SI: variants seen among roughly 807,000 people sequenced by gnomAD.
SI encodes sucrase-isomaltase.
Under a neutral mutation model 253.3 loss-of-function variants are expected in SI, and 235 were observed. The observed-to-expected ratio is 0.93, with a 90% CI of 0.83 to 1.03. SI has a LOEUF of 1.03. Among genes scored for constraint, SI ranks in the 50% least tolerant of loss-of-function variants. The pLI is 0.00. For missense variants in SI, 2,442 were observed against 2,211.1 expected (o/e 1.10, Z -2.09); for synonymous variants, 819 against 712.0 (o/e 1.15, Z -2.39).
rs1199306728 is a variant in SI at position 165,017,976 on chromosome 3, C to G, written c.3514G>C (p.Ala1172Pro). 1.2e-6 allele frequency: 2 copies of G among 1,606,172 alleles called. No individual in the cohort carries two copies. The highest frequency in any genetic ancestry group is 1.7e-6 in the Non-Finnish European group (2 of 1,173,156). The change falls in exon 29 of 48, where the codon GCA (alanine) becomes CCA (proline). Residue 1172 changes from alanine to proline, a missense_variant. Ala to Pro is a conservative substitution (Grantham distance 27, BLOSUM62 -1). Coordinates refer to ENST00000264382, the MANE Select transcript of SI (RefSeq NM_001041.4). ...CAACAAATGATTGTTTTACCCATTG[C>G]ATTGCTGTTGAGTAAGAAAACACCA... ...AHGVFLLNSNAMDVTFQPTPA... is the reference protein window; with the variant it reads ...AHGVFLLNSNPMDVTFQPTPA...
chr3:164,989,538 C>A (rs2108122472), intron 44 of SI, among the ~76,000 whole-genome samples: 1 of 152,024 alleles, frequency 6.6e-6, no homozygotes, highest in African/African-American at 2.4e-5. Context: ...TCCTCTTGGA[C>A]AGCAGGACAC....
rs538063256 is a variant in SI, at chr3:164,980,814, T to C, written c.5416-1384A>G. Among the ~76,000 whole-genome samples the C allele has an allele frequency of 1.6e-4, 25 of 152,116 alleles. No individual in the cohort carries two copies. The East Asian group carries it at 4.8e-3, about 29-fold the overall frequency. ...TATTAAAATATCTTATTTGGCATTG[T>C]TTATTTGCTTTATTTTTACCATAAA... On this transcript the variant is annotated intron_variant, in intron 47 of 47. Coordinates refer to ENST00000264382, the MANE Select transcript of SI (RefSeq NM_001041.4).
At chr3:165,040,607 T>G (rs1712767983) in intron 18 of SI, among the ~76,000 whole-genome samples, 1 of 152,104 alleles carries the variant, frequency 6.6e-6, no homozygotes, top group Admixed American at 6.6e-5. Context: ...TTTTATACTC[T>G]ACTCTTGATC....
chr3:165,062,775 G>A (rs1040408308), intron 8 of SI, among the ~76,000 whole-genome samples: 8 of 151,906 alleles, frequency 5.3e-5, no homozygotes, highest in African/African-American at 9.7e-5. Context: ...GTTCTCTGGC[G>A]ACCAAAAGAT....
chr3:165,055,141 T>A (rs1713633556), intron 13 of SI, 53 bp downstream of exon 13: 1 of 1,022,436 alleles, frequency 9.8e-7, no homozygotes, highest in East Asian at 2.4e-5. Context: ...TTTTTACAGA[T>A]AAATAAGTCT....
rs766171674 is a variant in SI at position 165,033,346 on chromosome 3, G to C, written c.2565+49C>G. ...AAATTTATCATAAAAGAATAACCTA[G>C]GCATGAACAAATTATGCATTTAAGT... On this transcript the variant is annotated intron_variant, in intron 23 of 47. Coordinates refer to ENST00000264382, the MANE Select transcript of SI (RefSeq NM_001041.4). 9 of 1,483,966 alleles carry C rather than the reference G, an allele frequency of 6.1e-6. No individual in the cohort carries two copies. In the South Asian group the frequency reaches 1.1e-4, roughly 19 times the overall value. 91.9% of individuals were successfully genotyped at this position (1,483,966 alleles called of 1,614,324 possible). A position where few individuals can be genotyped will look rare whatever the true frequency, so the allele number is the denominator to read the frequency against.
At position 165,074,537 on chromosome 3, in the gene SI, TG is replaced by T; in HGVS notation, c.248del (p.Pro83GlnfsTer37). The T allele has an allele frequency of 6.2e-7, 1 of 1,603,300 alleles. No individual in the cohort carries two copies. Among genetic ancestry groups the T allele is most frequent in the Non-Finnish European group, 8.5e-7 (1 of 1,173,494 alleles). On this transcript the variant is annotated frameshift_variant, in exon 3 of 48. Coordinates refer to ENST00000264382, the MANE Select transcript of SI (RefSeq NM_001041.4). LOFTEE classifies it high-confidence loss of function. The part of the protein sequence containing the change: ...VRINCIPEQF[P>X]TEGICAQRGC... ...AAAGACTTTTGCTGCAGACCTCTGT[TG>T]GGAATTGTTCTGGAATGCAGTTTAT...
chr3:165,014,500 T>C (rs1324668691), intron 33 of SI, among the ~76,000 whole-genome samples: 1 of 152,078 alleles, frequency 6.6e-6, no homozygotes, highest in East Asian at 1.9e-4. Flanking sequence ...CCGCCCGCCT[T>C]GGCCTCCCAA....
At chr3:165,051,852 A>G (rs1412298424) in intron 13 of SI, among the ~76,000 whole-genome samples, 1 of 151,950 alleles carries the variant, frequency 6.6e-6, no homozygotes, top group East Asian at 1.9e-4. Flanking sequence ...AAAATAATTA[A>G]TTGGTTTTAC....
At chr3:165,005,247 A>G (rs1223074610) in intron 37 of SI, among the ~76,000 whole-genome samples, 1 of 151,518 alleles carries the variant, frequency 6.6e-6, no homozygotes, top group Non-Finnish European at 1.5e-5. Flanking sequence ...AATGGGTGCT[A>G]TATATATAGT....
intron 30 of SI, 27 bp downstream of exon 30, chr3:165,017,734 T>G: frequency 6.3e-7 from 1 of 1,598,306 alleles, no homozygotes; most frequent in African/African-American, 1.4e-5. Context: ...AATTTTTAAT[T>G]TTTTTAAAAG....
chr3:165,047,000 T>C lies in SI; in HGVS notation c.1728A>G (p.Lys576=). ...MAIATEQAVQ[K]VFPNKRSFIL... The stretch of plus-strand genomic sequence containing the variant: ...TGAAGCTTCTCTTATTAGGAAAAAC[T>C]TTTTGTACAGCTCTAAAAATAAAAC... Residue 576 remains lysine, a synonymous_variant, in exon 16 of 48, where the codon AAA becomes AAG. Coordinates refer to ENST00000264382, the MANE Select transcript of SI (RefSeq NM_001041.4). The C allele has an allele frequency of 6.2e-7, 1 of 1,605,370 alleles. No individual in the cohort carries two copies.
At chr3:165,025,402 A>T (rs1311716365) in intron 25 of SI, among the ~76,000 whole-genome samples, 1 of 151,178 alleles carries the variant, frequency 6.6e-6, no homozygotes, top group African/African-American at 2.4e-5. Flanking sequence ...AAGAAGGGAA[A>T]TCTAAAAATT....
Position 164,991,471 on chromosome 3 carries a change from C to A in SI, c.4990G>T (p.Asp1664Tyr). ...ARWFDYHTGK[D>Y]IGVRGQFQTF... ...TGAAATTGTCCTCTGACGCCAATATCTTTGCCCTGGAAATGAAAGGGATGG... is the reference window on the plus strand; with the variant it reads ...TGAAATTGTCCTCTGACGCCAATATATTTGCCCTGGAAATGAAAGGGATGG... Residue 1664 changes from aspartate (D) to tyrosine (Y), a missense_variant, in exon 44 of 48, where the codon GAT becomes TAT. Asp to Tyr is a radical substitution (Grantham distance 160). Transcript: ENST00000264382. 1.9e-6 allele frequency: 3 copies of A among 1,613,498 alleles called. No homozygotes were observed. Among genetic ancestry groups the A allele is most frequent in the Non-Finnish European group, 2.5e-6 (3 of 1,179,662 alleles).
chr3:165,081,879 A>G (rs1715339068), upstream of SI, among the ~76,000 whole-genome samples: 1 of 152,004 alleles, frequency 6.6e-6, no homozygotes, highest in South Asian at 2.1e-4. Flanking sequence ...AAGAAGAAGG[A>G]GAAAACAAAT....
intron 33 of SI, among the ~76,000 whole-genome samples, chr3:165,014,368 C>T (rs185884411): frequency 3.4e-4 from 51 of 152,214 alleles, no homozygotes; most frequent in African/African-American, 1.1e-3. Context: ...CTTGCCTCAG[C>T]CTCCTGAGTA....
upstream of SI, among the ~76,000 whole-genome samples, chr3:165,080,641 C>T (rs1715280175): frequency 6.6e-6 from 1 of 151,960 alleles, no homozygotes; most frequent in African/African-American, 2.4e-5. Context: ...TCTCAGCCAA[C>T]TATCGCAAGG....
At chr3:164,991,579 T>C in intron 43 of SI, 102 bp from the exon 44 acceptor site, 1 of 1,237,440 alleles carries the variant, frequency 8.1e-7, no homozygotes, top group African/African-American at 1.5e-5. Context: ...AATGATACAC[T>C]TTTAGATTAA....
intron 13 of SI, among the ~76,000 whole-genome samples, chr3:165,051,885 TAA>T (rs1044596379): frequency 2.0e-5 from 3 of 151,974 alleles, no homozygotes; most frequent in Non-Finnish European, 2.9e-5. Flanking sequence ...TAAAAATATT[TAA>T]AAGTTTTATT....
Sources: gnomAD v4.1 joint callset for allele counts (sites outside exome capture counted in the v4.1 genomes callset) on GRCh38, gnomAD v4.1.1 for gene constraint, MANE v1.5 for transcripts, NCBI Gene and HGNC (gene_info 2026-07-23, HGNC 2026-07-21) for gene names.